RASGRF2: variants seen among roughly 807,000 people sequenced by gnomAD.
RASGRF2 encodes ras-specific guanine nucleotide-releasing factor 2.
In RASGRF2, 76 loss-of-function variants were observed where a neutral mutation model predicts 151.0. The observed-to-expected ratio is 0.50, with a 90% confidence interval of 0.42 to 0.61. RASGRF2 has a LOEUF of 0.61. Among genes scored for constraint, RASGRF2 ranks in the 20% least tolerant of loss-of-function variants. RASGRF2 has a pLI of 0.00. For missense variants in RASGRF2, 1,148 were observed against 1,564.6 expected (o/e 0.73, Z 4.49); for synonymous variants, 504 against 566.5 (o/e 0.89, Z 1.57).
At chr5:81,003,253 C>T (rs1463603183) in intron 1 of RASGRF2, among the ~76,000 whole-genome samples, 3 of 135,788 alleles carry the variant, frequency 2.2e-5, no homozygotes, top group Non-Finnish European at 4.6e-5. Flanking sequence ...GACGGAGTCT[C>T]ACTCTGTCGC....
chr5:81,100,139 C>T (rs1752661531), intron 12 of RASGRF2, among the ~76,000 whole-genome samples: 1 of 152,010 alleles, frequency 6.6e-6, no homozygotes, highest in South Asian at 2.1e-4. Flanking sequence ...AATCTCCTGA[C>T]CTCGTGATCC....
At chr5:81,034,686 A>G (rs1750404804) in intron 1 of RASGRF2, among the ~76,000 whole-genome samples, 1 of 151,274 alleles carries the variant, frequency 6.6e-6, no homozygotes, top group Non-Finnish European at 1.5e-5. Flanking sequence ...ATTCTCAGTA[A>G]ACTATCGCAA....
intron 2 of RASGRF2, among the ~76,000 whole-genome samples, chr5:81,046,323 G>A (rs1469922588): frequency 1.3e-5 from 2 of 151,998 alleles, no homozygotes; most frequent in African/African-American, 4.8e-5. Flanking sequence ...TTTGCCTTCA[G>A]AGAATCTTAG....
chr5:81,054,831 A>T, intron 2 of RASGRF2, among the ~76,000 whole-genome samples: 1 of 148,548 alleles, frequency 6.7e-6, no homozygotes, highest in Non-Finnish European at 1.5e-5. Flanking sequence ...CTCCTTGAAG[A>T]GGTCCTTCAC....
At chr5:81,133,238 T>C (rs1753669138) in intron 17 of RASGRF2, among the ~76,000 whole-genome samples, 1 of 152,214 alleles carries the variant, frequency 6.6e-6, no homozygotes, top group Non-Finnish European at 1.5e-5. Flanking sequence ...GCATGATGTA[T>C]GTATTGCCAC....
intron 5 of RASGRF2, among the ~76,000 whole-genome samples, chr5:81,076,575 C>T (rs193033800): frequency 1.3e-5 from 2 of 150,538 alleles, no homozygotes; most frequent in African/African-American, 4.9e-5. Context: ...CAAGGACATC[C>T]GCTGATGGGG....
intron 1 of RASGRF2, among the ~76,000 whole-genome samples, chr5:81,020,994 C>T (rs75770829): frequency 8.5e-5 from 13 of 152,274 alleles, no homozygotes; most frequent in Non-Finnish European, 1.6e-4. Flanking sequence ...ATTCACATAC[C>T]GATGTGAACG....
At position 80,995,244 on chromosome 5, in the gene RASGRF2, A is replaced by G. The variant is rs922329498; in HGVS notation, c.288+34218A>G. Among the ~76,000 whole-genome samples, 4 of 134,276 alleles carry G rather than the reference A, an allele frequency of 3.0e-5. No homozygotes were observed. In the Admixed American group the frequency reaches 3.2e-4, roughly 11 times the overall value. 88.1% of individuals were successfully genotyped at this position (134,276 alleles called of 152,430 possible). ...GCCCTCCAGCCTGGGCGATAGAGCC[A>G]GACTCCGTCTCAAAAAAAAAAAAAA... On this transcript the variant is annotated intron_variant, in intron 1 of 26. Coordinates refer to ENST00000265080, the MANE Select transcript of RASGRF2 (RefSeq NM_006909.3).
chr5:81,057,655 T>A (rs1751268691), intron 2 of RASGRF2, among the ~76,000 whole-genome samples: 1 of 152,190 alleles, frequency 6.6e-6, no homozygotes, highest in African/African-American at 2.4e-5. Flanking sequence ...ATTAGCATAT[T>A]AATCAGCTTA....
intron 1 of RASGRF2, among the ~76,000 whole-genome samples, chr5:81,032,141 A>T (rs559059716): frequency 1.6e-4 from 25 of 152,306 alleles, no homozygotes; most frequent in South Asian, 8.3e-4. Flanking sequence ...AGGCTCTGAA[A>T]TTGAGGCAAT....
chr5:81,197,462 C>CAAAAAAAAA (rs10674027), intron 18 of RASGRF2, among the ~76,000 whole-genome samples: 4 of 63,712 alleles, frequency 6.3e-5, no homozygotes, highest in Non-Finnish European at 7.8e-5. Flanking sequence ...GACTCCGTCT[C>CAAAAAAAAA]AAAAAAAAAA....
intron 2 of RASGRF2, among the ~76,000 whole-genome samples, chr5:81,063,015 A>G (rs1288188100): frequency 1.3e-5 from 2 of 151,332 alleles, no homozygotes; most frequent in Non-Finnish European, 2.9e-5. Context: ...TAGAATTCCA[A>G]GTTAATGATG....
Position 81,060,434 on chromosome 5 carries a change from T to C in RASGRF2, c.396-7598T>C, listed in dbSNP as rs577406234. 1.0e-4 allele frequency among the ~76,000 whole-genome samples: 12 copies of C among 116,692 alleles called. No homozygotes were observed. In the South Asian group the frequency reaches 3.2e-3, roughly 31 times the overall value. 76.6% of individuals were successfully genotyped at this position (116,692 alleles called of 152,430 possible). A position where few individuals can be genotyped will look rare whatever the true frequency, so the allele number is the denominator to read the frequency against. On this transcript the variant is annotated intron_variant, in intron 2 of 26. Coordinates refer to ENST00000265080, the MANE Select transcript of RASGRF2 (RefSeq NM_006909.3). The stretch of plus-strand genomic sequence containing the variant: ...ATGAAAGCAGCCCTCACCGCTTGGT[T>C]AAAATTGTAACCTCTGCCCCCCTAC...
At chr5:81,011,684 T>G (rs1427768064) in intron 1 of RASGRF2, among the ~76,000 whole-genome samples, 2 of 151,340 alleles carry the variant, frequency 1.3e-5, no homozygotes, top group Non-Finnish European at 2.9e-5. Context: ...GAGGTTGCCA[T>G]GAGCTGAGAT....
At chr5:81,024,568 T>C (rs1182099264) in intron 1 of RASGRF2, among the ~76,000 whole-genome samples, 1 of 152,100 alleles carries the variant, frequency 6.6e-6, no homozygotes, top group Non-Finnish European at 1.5e-5. Flanking sequence ...CCTCATATGA[T>C]TATTGACCTG....
In RASGRF2 at chr5:80,960,520, T is replaced by G. The variant is rs73123076; in HGVS notation, c.-219T>G. 2.0e-5 allele frequency among the ~76,000 whole-genome samples: 3 copies of G among 150,414 alleles called. No individual in the cohort carries two copies. Among genetic ancestry groups the G allele is most frequent in the Non-Finnish European group, 4.4e-5 (3 of 67,488 alleles). On this transcript the variant is annotated 5_prime_UTR_variant, in exon 1 of 27. Transcript: ENST00000265080. The surrounding 1 kb of genome is among the most constrained non-coding windows in gnomAD (Gnocchi z 5.5). ...GGGGCTCGGCCGGGAGGGTGGTGGT[T>G]AGGGCGGAGAGCGTGCCTCGGCCCC... is the stretch of plus-strand genomic sequence containing the variant.
chr5:81,187,340 G>A (rs917888098), intron 18 of RASGRF2, among the ~76,000 whole-genome samples: 1 of 152,188 alleles, frequency 6.6e-6, no homozygotes, highest in African/African-American at 2.4e-5. Flanking sequence ...AGTCCCACGT[G>A]ACTAATGGTT....
intron 17 of RASGRF2, among the ~76,000 whole-genome samples, chr5:81,179,299 G>A (rs1179149877): frequency 6.6e-6 from 1 of 152,152 alleles, no homozygotes; most frequent in Non-Finnish European, 1.5e-5. Flanking sequence ...CTGTGCAAGT[G>A]CCATTTTAAA....
chr5:81,183,334 C>T (rs994217810), intron 18 of RASGRF2: 4 of 975,020 alleles, frequency 4.1e-6, no homozygotes, highest in South Asian at 4.7e-5. Context: ...CTAACATTGG[C>T]AGATACTACC....
Sources: allele counts gnomAD v4.1 joint callset (sites outside exome capture counted in the v4.1 genomes callset), GRCh38; gene constraint gnomAD v4.1.1; non-coding constraint Gnocchi (gnomAD v3.1); transcripts MANE v1.5; gene names NCBI Gene and HGNC (gene_info 2026-07-23, HGNC 2026-07-21).